Variants in C6orf118 observed in about 807,000 individuals in gnomAD.
C6orf118 encodes uncharacterized protein C6orf118.
A neutral mutation model predicts 50.2 loss-of-function variants in C6orf118; 50 were observed. The observed-to-expected ratio is 1.00, with a 90% CI of 0.79 to 1.26. The LOEUF (loss-of-function observed/expected upper bound fraction) is 1.26. C6orf118 is among the 50% of genes most tolerant of loss of function. The probability of loss-of-function intolerance (pLI) is 0.00; values close to 1 mark genes in which losing one functional copy is unlikely to be tolerated. For synonymous variants in C6orf118, 239 were observed against 230.9 expected (o/e 1.03, Z -0.32); for missense variants, 641 against 578.7 (o/e 1.11, Z -1.10).
intron 8 of C6orf118, 65 bp downstream of exon 8, chr6:165,281,575 C>T (rs1779732365): frequency 2.3e-5 from 34 of 1,457,730 alleles, no homozygotes; most frequent in Non-Finnish European, 3.0e-5. Context: ...GCTTATTACA[C>T]AGGACAAGCA....
intron 4 of C6orf118, 47 bp downstream of exon 4, chr6:165,299,396 C>T: frequency 6.4e-7 from 1 of 1,557,244 alleles, no homozygotes; most frequent in Non-Finnish European, 8.9e-7. Context: ...AAATATGAAG[C>T]TATGGATAAG....
At position 165,302,054 on chromosome 6, in the gene C6orf118, G is replaced by A. The variant is rs374675192; in HGVS notation, c.268C>T (p.Arg90Cys). 43 of 1,613,390 alleles carry A rather than the reference G, an allele frequency of 2.7e-5. No individual in the cohort carries two copies. The highest frequency in any genetic ancestry group is 5.3e-5 in the African/African-American group (4 of 74,868). The change falls in exon 2 of 9, where the codon CGC (arginine) becomes TGC (cysteine). Residue 90 changes from arginine (R) to cysteine (C), a missense_variant. Transcript: ENST00000230301. ...GGCGGCTCTCCCACCTCAGAGGCGC[G>A]CTCCCCCTTGGGCCGGTGGGCATTG... is the stretch of plus-strand genomic sequence containing the variant. Reference protein sequence around the residue: ...WPNAHRPKGERASEVGEPPAG... With the variant: ...WPNAHRPKGECASEVGEPPAG...
In C6orf118 at chr6:165,293,403, A is replaced by T. The variant is rs1400012712; in HGVS notation, c.1120+10T>A. 3 of 1,613,586 alleles carry T rather than the reference A, an allele frequency of 1.9e-6. No individual in the cohort carries two copies. The East Asian group carries it at 6.7e-5, about 36-fold the overall frequency. ...GCACCCATAAGGAAGGACATCACAC[A>T]GACACCTGCCTGATCGTTCCTTTGC... On this transcript the variant is annotated intron_variant, in intron 6 of 8. Coordinates refer to ENST00000230301, the MANE Select transcript of C6orf118 (RefSeq NM_144980.4).
chr6:165,299,788 G>A (rs777046452), intron 3 of C6orf118, among the ~76,000 whole-genome samples: 1 of 152,114 alleles, frequency 6.6e-6, no homozygotes, highest in African/African-American at 2.4e-5. Flanking sequence ...CGGTTCAAGC[G>A]ATTCTCCTGC....
intron 1 of C6orf118, among the ~76,000 whole-genome samples, chr6:165,305,643 C>T (rs1305113857): frequency 1.0e-5 from 1 of 95,782 alleles, no homozygotes; most frequent in Non-Finnish European, 1.9e-5. Context: ...AACAAACAAC[C>T]CCATCAAAAA....
rs1307933995 is a variant in C6orf118, at chr6:165,293,482, A to C, written c.1062-11T>G. The C allele has an allele frequency of 6.2e-7, 1 of 1,609,380 alleles. No individual in the cohort carries two copies. On this transcript the variant is annotated splice_polypyrimidine_tract_variant and intron_variant, in intron 5 of 8. Coordinates refer to ENST00000230301, the MANE Select transcript of C6orf118 (RefSeq NM_144980.4). Reference sequence around the variant, plus strand: ...AGTTCACTTCTGAGTCTACAATGTGAGGATAAACAATAGGGAAATATTAGA... The same window carrying C: ...AGTTCACTTCTGAGTCTACAATGTGCGGATAAACAATAGGGAAATATTAGA...
Position 165,300,466 on chromosome 6 carries a change from C to A in C6orf118, c.774G>T (p.Thr258=), listed in dbSNP as rs376983039. 2 of 1,611,972 alleles carry A rather than the reference C, an allele frequency of 1.2e-6. No homozygotes were observed. Among genetic ancestry groups the A allele is most frequent in the Non-Finnish European group, 1.7e-6 (2 of 1,179,064 alleles). ...GTCTGTTGAACTGCTGGGGGCTGCA[C>A]GTGCAAATTTTCTGGAGCTCCTGGA... The part of the protein sequence containing the change: ...KLQQELQKIC[T]CSPQQFNRLH... Residue 258 remains threonine (T), a synonymous_variant, in exon 3 of 9, where the codon ACG becomes ACT. Coordinates refer to ENST00000230301, the MANE Select transcript of C6orf118 (RefSeq NM_144980.4).
intron 3 of C6orf118, 76 bp downstream of exon 3, chr6:165,300,288 C>A (rs1780469654): frequency 1.3e-6 from 2 of 1,536,838 alleles, no homozygotes; most frequent in Admixed American, 1.8e-5. Context: ...AATTTCAGTG[C>A]GGCTTGAGAT....
chr6:165,298,227 G>A (rs766797169), intron 4 of C6orf118, 126 bp from the exon 5 acceptor site: 40 of 1,225,168 alleles, frequency 3.3e-5, no homozygotes, highest in Non-Finnish European at 4.3e-5. Context: ...AGTTAAAATA[G>A]GTAAATTGGG....
chr6:165,288,572 G>A (rs1459927208), intron 7 of C6orf118, among the ~76,000 whole-genome samples: 1 of 152,026 alleles, frequency 6.6e-6, no homozygotes, highest in African/African-American at 2.4e-5. Flanking sequence ...TTTTAAATGT[G>A]GTATATATAC....
chr6:165,291,687 A>T (rs1780110732), intron 6 of C6orf118, among the ~76,000 whole-genome samples: 1 of 152,236 alleles, frequency 6.6e-6, no homozygotes, highest in Middle Eastern at 3.2e-3. Context: ...ATTTAAAAAA[A>T]TGTTAACTCT....
At chr6:165,303,250 G>A (rs986382334) in intron 1 of C6orf118, among the ~76,000 whole-genome samples, 1 of 152,156 alleles carries the variant, frequency 6.6e-6, no homozygotes, top group African/African-American at 2.4e-5. Context: ...CGCCGCTGTT[G>A]ATCAGCTTAG....
At chr6:165,283,158 C>G (rs1009119244) in intron 7 of C6orf118, among the ~76,000 whole-genome samples, 3 of 152,100 alleles carry the variant, frequency 2.0e-5, no homozygotes, top group African/African-American at 7.2e-5. Context: ...GGTTCTCTCA[C>G]TGGGACTGAC....
rs746234585 is a variant in C6orf118 at position 165,298,032 on chromosome 6, C to A, written c.1006G>T (p.Glu336Ter). Residue 336 changes from glutamate (E) to a stop codon, truncating the protein, a stop_gained, in exon 5 of 9, where the codon GAA (glutamate) becomes TAA (stop). Coordinates refer to ENST00000230301, the MANE Select transcript of C6orf118 (RefSeq NM_144980.4). LOFTEE classifies it high-confidence loss of function. Reference sequence around the variant, plus strand: ...GCTGTCACGAGCATCCTCAGCTCTTCCCTGGCGAGATCCATGTCCGCCGTC... The same window carrying A: ...GCTGTCACGAGCATCCTCAGCTCTTACCTGGCGAGATCCATGTCCGCCGTC... ...VKTADMDLAR[E>*]ELRMLVTATK... 1.9e-6 allele frequency: 3 copies of A among 1,613,902 alleles called. No homozygotes were observed. Among genetic ancestry groups the A allele is most frequent in the Non-Finnish European group, 2.5e-6 (3 of 1,179,942 alleles).
intron 1 of C6orf118, among the ~76,000 whole-genome samples, chr6:165,304,862 A>G (rs1379095719): frequency 2.2e-4 from 1 of 4,494 alleles, no homozygotes; most frequent in Non-Finnish European, 3.6e-4. Context: ...GCTCATGGGT[A>G]GGAAGAATCA....
chr6:165,301,877 C>T lies in C6orf118; in HGVS notation c.445G>A (p.Val149Met), dbSNP rs768960595. The T allele has an allele frequency of 1.9e-6, 3 of 1,613,776 alleles. No individual in the cohort carries two copies. Among genetic ancestry groups the T allele is most frequent in the East Asian group, 2.2e-5 (1 of 44,866 alleles). The part of the protein sequence containing the change: ...SHTSEEDFLP[V>M]EAVREGKEEK... ...TCCTTCCCCTCTCTGACAGCCTCCA[C>T]TGGAAGGAAATCCTCCTCTGAAGTG... The change falls in exon 2 of 9, where the codon GTG becomes ATG. Residue 149 changes from valine (V) to methionine (M), a missense_variant. Val to Met is a conservative substitution (Grantham distance 21, BLOSUM62 1). Transcript: ENST00000230301.
intron 6 of C6orf118, among the ~76,000 whole-genome samples, chr6:165,290,889 G>A (rs983537498): frequency 8.5e-5 from 13 of 152,334 alleles, no homozygotes; most frequent in African/African-American, 2.9e-4. Context: ...TGGACTTACA[G>A]TTCCATGTGG....
At chr6:165,308,624 C>T (rs1228572885) in intron 1 of C6orf118, among the ~76,000 whole-genome samples, 1 of 152,170 alleles carries the variant, frequency 6.6e-6, no homozygotes, top group Non-Finnish European at 1.5e-5. Flanking sequence ...GAAAAGACAA[C>T]TCCCCAAGGA....
intron 1 of C6orf118, among the ~76,000 whole-genome samples, chr6:165,308,370 A>G (rs563658165): frequency 3.9e-5 from 6 of 152,272 alleles, no homozygotes; most frequent in East Asian, 1.9e-4. Flanking sequence ...AGTTGCAAGG[A>G]AAGGAAGCTT....
Sources: allele counts gnomAD v4.1 joint callset (sites outside exome capture counted in the v4.1 genomes callset), GRCh38; gene constraint gnomAD v4.1.1; transcripts MANE v1.5; gene names NCBI Gene and HGNC (gene_info 2026-07-23, HGNC 2026-07-21).